Variants in APC observed in about 807,000 individuals in gnomAD.
APC encodes adenomatous polyposis coli protein.
A neutral mutation model predicts 247.0 loss-of-function variants in APC; 72 were observed. The ratio of observed to expected loss-of-function variants is 0.29; its 90% CI spans 0.24 to 0.35. The LOEUF is 0.35. APC is among the 10% of genes least tolerant of loss of function. The pLI, the probability that APC is intolerant of heterozygous loss-of-function variation, is 1.00. For missense variants in APC, 3,400 were observed against 3,360.7 expected, an observed-to-expected ratio of 1.01 and a Z score of -0.29; for synonymous variants, 1,254 against 1,162.5, an observed-to-expected ratio of 1.08 and a Z score of -1.60.
At chr5:112,769,092 C>T (rs1387238826) in intron 4 of APC, among the ~76,000 whole-genome samples, 5 of 131,284 alleles carry the variant, frequency 3.8e-5, no homozygotes, top group Non-Finnish European at 6.1e-5. Flanking sequence ...CTTCCTGTCG[C>T]CCAGGCTAGA....
Position 112,843,613 on chromosome 5 carries a change from A to G in APC, c.8019A>G (p.Arg2673=). 6.2e-7 allele frequency: 1 copy of G among 1,613,994 alleles called. No individual in the cohort carries two copies. Residue 2673 remains arginine, a synonymous_variant, in exon 16 of 16, where the codon AGA becomes AGG. Coordinates refer to ENST00000257430, the MANE Select transcript of APC (RefSeq NM_000038.6). This position sits in a 1 kb window ranked among gnomAD's most constrained non-coding sequence, Gnocchi z 4.8. ...CCATTAACAATCCTAGATCTGGAAG[A>G]TCTCCCACAGGTAATACTCCCCCGG... The part of the protein sequence containing the change: ...DCPINNPRSG[R]SPTGNTPPVI...
At chr5:112,800,672 G>A (rs1760724693) in intron 7 of APC, among the ~76,000 whole-genome samples, 1 of 152,004 alleles carries the variant, frequency 6.6e-6, no homozygotes, top group Non-Finnish European at 1.5e-5. Context: ...TTGTGCTAGG[G>A]ATAATCTATC....
chr5:112,796,920 A>G (rs963691204), intron 7 of APC, among the ~76,000 whole-genome samples: 4 of 151,720 alleles, frequency 2.6e-5, no homozygotes, highest in African/African-American at 4.8e-5. Flanking sequence ...ATTTTTTTCT[A>G]GTTGATTGAA....
chr5:112,842,795 C>T lies in APC; in HGVS notation c.7201C>T (p.Leu2401=), dbSNP rs2229994. Residue 2401 remains leucine, a synonymous_variant, in exon 16 of 16, where the codon CTA becomes TTA. Coordinates refer to ENST00000257430, the MANE Select transcript of APC (RefSeq NM_000038.6). ...AAGAAGTGAGTCTGCCTCCAAAGGA[C>T]TAAATCAGATGAATAATGGTAATGG... The part of the protein sequence containing the change: ...IPRSESASKG[L]NQMNNGNGAN... 20,398 of 1,613,536 alleles carry T rather than the reference C, an allele frequency of 0.013. 174 individuals are homozygous for T. The highest frequency in any genetic ancestry group is 0.02 in the Middle Eastern group (121 of 6,062).
intron 2 of APC, among the ~76,000 whole-genome samples, chr5:112,763,107 C>T (rs1755848963): frequency 6.6e-6 from 1 of 151,974 alleles, no homozygotes; most frequent in South Asian, 2.1e-4. Flanking sequence ...TCTTATTTAC[C>T]TTTATGCTTA....
chr5:112,787,691 A>G (rs935865584), intron 6 of APC, among the ~76,000 whole-genome samples: 2 of 152,128 alleles, frequency 1.3e-5, no homozygotes, highest in African/African-American at 4.8e-5. Flanking sequence ...CTTGATACCA[A>G]TCCTTTGTAG....
At position 112,791,995 on chromosome 5, in the gene APC, C is replaced by T. The variant is rs980971848; in HGVS notation, c.646-451C>T. ...GCACAGTGGCTCACGCCTGTAAGCC[C>T]ACAGCACTTTGGGAAGCCGAGGCAG... On this transcript the variant is annotated intron_variant, in intron 6 of 15. Transcript: ENST00000257430. Among the ~76,000 whole-genome samples, 3 of 152,122 alleles carry T rather than the reference C, an allele frequency of 2.0e-5. No homozygotes were observed. In the East Asian group the frequency reaches 5.8e-4, roughly 29 times the overall value.
chr5:112,826,999 A>G lies in APC; in HGVS notation c.1409-109A>G, dbSNP rs974034496. Reference sequence around the variant, plus strand: ...AATTCTAAAGGCAAATTTAAACCATATATTCTCATTGATTGAGTTTTTTTT... The same window carrying G: ...AATTCTAAAGGCAAATTTAAACCATGTATTCTCATTGATTGAGTTTTTTTT... On this transcript the variant is annotated intron_variant, in intron 11 of 15. Transcript: ENST00000257430. 1.1e-5 allele frequency: 12 copies of G among 1,055,390 alleles called. No homozygotes were observed. In the Admixed American group the frequency reaches 1.3e-4, roughly 11 times the overall value. The allele number at this position is 1,055,390 out of a possible 1,614,324, so 65.4% of individuals were successfully genotyped here. A position where few individuals can be genotyped will look rare whatever the true frequency, so the allele number is the denominator to read the frequency against.
intron 4 of APC, among the ~76,000 whole-genome samples, chr5:112,769,050 C>CTTTTTTTTTTTTTTTTTTTTTTTT (rs11379766): frequency 1.0e-5 from 1 of 96,824 alleles, no homozygotes; most frequent in Admixed American, 1.3e-4. Flanking sequence ...TTTTTTTCTT[C>CTTTTTTTTTTTTTTTTTTTTTTTT]TTTTTTTTTT....
chr5:112,763,271 A>G (rs895227455), intron 2 of APC, among the ~76,000 whole-genome samples: 3 of 152,072 alleles, frequency 2.0e-5, no homozygotes, highest in African/African-American at 7.2e-5. Flanking sequence ...TCCCATCACC[A>G]GAGGTAAAAG....
intron 11 of APC, among the ~76,000 whole-genome samples, chr5:112,825,494 TTTCACATGC>T (rs1224511313): frequency 6.6e-6 from 1 of 152,212 alleles, no homozygotes; most frequent in African/African-American, 2.4e-5. Flanking sequence ...CCAGGGGCCC[TTTCACATGC>T]TGTTTCCTTT....
At chr5:112,788,049 T>A (rs182752178) in intron 6 of APC, among the ~76,000 whole-genome samples, 124 of 152,306 alleles carry the variant, frequency 8.1e-4, no homozygotes, top group African/African-American at 2.8e-3. Context: ...ATGTATTGGA[T>A]ACCGCACTAG....
chr5:112,838,536 C>T lies in APC; in HGVS notation c.2942C>T (p.Pro981Leu), dbSNP rs587779784. The T allele has an allele frequency of 6.2e-7, 1 of 1,614,018 alleles. No homozygotes were observed. The highest frequency in any genetic ancestry group is 1.1e-5 in the South Asian group (1 of 91,072). ...DGYGKRGQMK[P>L]SIESYSEDDE... Reference sequence around the variant, plus strand: ...TATGGTAAAAGAGGTCAAATGAAACCCTCGATTGAATCCTATTCTGAAGAT... The same window carrying T: ...TATGGTAAAAGAGGTCAAATGAAACTCTCGATTGAATCCTATTCTGAAGAT... The change falls in exon 16 of 16, where the codon CCC (proline) becomes CTC (leucine). Residue 981 changes from proline to leucine, a missense_variant. Physicochemically the swap from Pro to Leu is moderately conservative, Grantham distance 98. Transcript: ENST00000257430.
At chr5:112,777,402 C>T (rs1757778738) in intron 5 of APC, among the ~76,000 whole-genome samples, 1 of 152,096 alleles carries the variant, frequency 6.6e-6, no homozygotes, top group South Asian at 2.1e-4. Flanking sequence ...TTCTCTCATG[C>T]AGTGGATATA....
At chr5:112,753,293 C>T (rs1012955774) in intron 1 of APC, among the ~76,000 whole-genome samples, 1 of 152,040 alleles carries the variant, frequency 6.6e-6, no homozygotes, top group Non-Finnish European at 1.5e-5. Context: ...ACTTCTTCAC[C>T]CCTTGCCCAT....
intron 1 of APC, among the ~76,000 whole-genome samples, chr5:112,730,797 T>C (rs556030622): frequency 1.3e-5 from 2 of 152,242 alleles, no homozygotes; most frequent in East Asian, 3.9e-4. Flanking sequence ...AATTTCTCTC[T>C]CCTCTAATGT....
chr5:112,833,906 C>T (rs1020705817), intron 14 of APC, among the ~76,000 whole-genome samples: 4 of 152,100 alleles, frequency 2.6e-5, no homozygotes, highest in African/African-American at 9.7e-5. Flanking sequence ...AATAATACTT[C>T]CAAGATATCT....
intron 11 of APC, among the ~76,000 whole-genome samples, chr5:112,825,533 T>A (rs1028454656): frequency 6.6e-6 from 1 of 152,154 alleles, no homozygotes; most frequent in Non-Finnish European, 1.5e-5. Context: ...GCATCTTTCT[T>A]CTTCCTGCCC....
upstream of APC, among the ~76,000 whole-genome samples, chr5:112,735,493 A>G (rs1241216699): frequency 8.4e-6 from 1 of 119,074 alleles, no homozygotes; most frequent in Non-Finnish European, 1.8e-5. Context: ...AATATTTTTA[A>G]TGCATACATA....
Sources: allele counts gnomAD v4.1 joint callset (sites outside exome capture counted in the v4.1 genomes callset), GRCh38; gene constraint gnomAD v4.1.1; non-coding constraint Gnocchi (gnomAD v3.1); transcripts MANE v1.5; gene names NCBI Gene and HGNC (gene_info 2026-07-23, HGNC 2026-07-21).